Variants in DGKK observed in about 807,000 individuals in gnomAD.
The protein encoded by DGKK is diacylglycerol kinase kappa, also known as 142 kDa diacylglycerol kinase.
In DGKK, 35 loss-of-function variants were observed where a neutral mutation model predicts 92.2. That is an observed-to-expected ratio of 0.38 (90% confidence interval 0.29 to 0.50). The LOEUF (loss-of-function observed/expected upper bound fraction) is 0.50. Ranked by LOEUF, DGKK falls within the 20% of genes least tolerant of loss-of-function variation. The probability of loss-of-function intolerance (pLI) is 0.92; values close to 1 mark genes in which losing one functional copy is unlikely to be tolerated. For missense variants in DGKK, 910 were observed against 992.2 expected (o/e 0.92, Z 1.11); for synonymous variants, 368 against 360.6 (o/e 1.02, Z -0.23).
At chrX:50,455,456 G>T (rs1926587633) in intron 1 of DGKK, among the ~76,000 whole-genome samples, 1 of 111,804 alleles carries the variant, frequency 8.9e-6, no homozygotes, top group Non-Finnish European at 1.9e-5. Flanking sequence ...TTTACATACA[G>T]AACAATATAT....
intron 1 of DGKK, among the ~76,000 whole-genome samples, chrX:50,430,389 T>C (rs1482387449): frequency 8.9e-6 from 1 of 111,919 alleles, no homozygotes; most frequent in Non-Finnish European, 1.9e-5. Context: ...GCAGGCAGGG[T>C]TCCTAATTCT....
chrX:50,400,810 G>A (rs1924981123), intron 8 of DGKK, among the ~76,000 whole-genome samples: 2 of 110,998 alleles, frequency 1.8e-5, no homozygotes, highest in African/African-American at 6.6e-5. Flanking sequence ...AAACAATTGT[G>A]ACCGAGCTAC....
In DGKK at chrX:50,393,315, C is replaced by G; in HGVS notation, c.1432G>C (p.Asp478His). 1 of 1,206,880 alleles carries G rather than the reference C, an allele frequency of 8.3e-7. No individual in the cohort carries two copies. Among genetic ancestry groups the G allele is most frequent in the South Asian group, 1.8e-5 (1 of 55,732 alleles). Residue 478 changes from aspartate to histidine, a missense_variant, in exon 9 of 28, where the codon GAC becomes CAC. Transcript: ENST00000611977. The part of the protein sequence containing the change: ...KGDGQLVVSS[D>H]FWNLDWSSAC... Reference sequence around the variant, plus strand: ...GATGACCAATCAAGATTCCAGAAGTCTGAAGATACTACTAATTGGCCTGAC... The same window carrying G: ...GATGACCAATCAAGATTCCAGAAGTGTGAAGATACTACTAATTGGCCTGAC...
intron 24 of DGKK, 115 bp from the exon 25 acceptor site, chrX:50,375,172 G>T: frequency 2.0e-6 from 1 of 506,919 alleles, no homozygotes; most frequent in Non-Finnish European, 3.3e-6. Flanking sequence ...GTAGGATGTG[G>T]CTATAGGTGA....
At position 50,368,892 on chromosome X, in the gene DGKK, T is replaced by A. The variant is rs782219280; in HGVS notation, c.*48A>T. ...TAGCCTGTATTGAGGTTTTGAGAGTTTTTTTAGTAGAATTCTCAATGTTGT... is the reference window on the plus strand; with the variant it reads ...TAGCCTGTATTGAGGTTTTGAGAGTATTTTTAGTAGAATTCTCAATGTTGT... On this transcript the variant is annotated 3_prime_UTR_variant, in exon 28 of 28. Coordinates refer to ENST00000611977, the MANE Select transcript of DGKK (RefSeq NM_001013742.4). 17 of 1,117,255 alleles carry A rather than the reference T, an allele frequency of 1.5e-5. 1 individual carries two copies. In the Admixed American group the frequency reaches 2.5e-4, roughly 17 times the overall value. 92.1% of individuals were successfully genotyped at this position (1,117,255 alleles called of 1,213,427 possible).
intron 13 of DGKK, among the ~76,000 whole-genome samples, chrX:50,387,872 C>T (rs782815898): frequency 2.6e-4 from 29 of 111,975 alleles, no homozygotes; most frequent in African/African-American, 8.7e-4. Flanking sequence ...CACACCACTT[C>T]CCAAGTCAAG....
chrX:50,390,234 C>T, intron 12 of DGKK, 94 bp downstream of exon 12: 5 of 802,958 alleles, frequency 6.2e-6, no homozygotes, highest in Non-Finnish European at 9.4e-6. Context: ...TCATCCTCAT[C>T]CATGCACAAT....
At chrX:50,385,733 T>G (rs1380419225) in intron 15 of DGKK, among the ~76,000 whole-genome samples, 1 of 111,894 alleles carries the variant, frequency 8.9e-6, no homozygotes, top group Non-Finnish European at 1.9e-5. Flanking sequence ...TAGAATACAC[T>G]CATTCTTATA....
rs782566904 is a variant in DGKK at position 50,379,752 on chromosome X, C to T, written c.2755-18G>A. On this transcript the variant is annotated intron_variant, in intron 19 of 27. Transcript: ENST00000611977. The stretch of plus-strand genomic sequence containing the variant: ...CCATCACACTGAAAGAAAAGAGTAG[C>T]TCTCATTAGCTGGATCTTTAGATAG... 2 of 1,149,661 alleles carry T rather than the reference C, an allele frequency of 1.7e-6. No individual in the cohort carries two copies. Among genetic ancestry groups the T allele is most frequent in the South Asian group, 3.6e-5 (2 of 55,401 alleles). The allele number at this position is 1,149,661 out of a possible 1,213,427, so 94.7% of individuals were successfully genotyped here. A position where few individuals can be genotyped will look rare whatever the true frequency, so the allele number is the denominator to read the frequency against.
chrX:50,405,128 A>ACC (rs1332896263), intron 4 of DGKK, among the ~76,000 whole-genome samples: 1 of 111,515 alleles, frequency 9.0e-6, no homozygotes, highest in Non-Finnish European at 1.9e-5. Flanking sequence ...ACAAGACACA[A>ACC]CCCCTGCCTA....
At chrX:50,400,078 A>C (rs1924959602) in intron 8 of DGKK, among the ~76,000 whole-genome samples, 1 of 112,104 alleles carries the variant, frequency 8.9e-6, no homozygotes, top group Non-Finnish European at 1.9e-5. Flanking sequence ...CACAATAGAT[A>C]GCTTCATTCC....
chrX:50,458,720 G>A (rs782702440), intron 1 of DGKK, among the ~76,000 whole-genome samples: 5 of 110,838 alleles, frequency 4.5e-5, no homozygotes, highest in African/African-American at 9.8e-5. Flanking sequence ...TGTCGGTTGC[G>A]TTTATTTATT....
At chrX:50,420,593 C>G (rs1016220592) in intron 3 of DGKK, 86 bp from the exon 4 acceptor site, 2 of 808,731 alleles carry the variant, frequency 2.5e-6, no homozygotes, top group Admixed American at 5.2e-5. Flanking sequence ...AGAAACTACA[C>G]AGATGTACCA....
intron 8 of DGKK, among the ~76,000 whole-genome samples, chrX:50,398,461 G>T (rs1289818157): frequency 5.4e-5 from 6 of 111,995 alleles, no homozygotes; most frequent in African/African-American, 1.9e-4. Context: ...CAGTGAGTGA[G>T]ATTCAATTGG....
At chrX:50,417,739 C>A (rs1925472370) in intron 4 of DGKK, among the ~76,000 whole-genome samples, 1 of 110,755 alleles carries the variant, frequency 9.0e-6, no homozygotes, top group African/African-American at 3.3e-5. Context: ...CTTCTCTGAA[C>A]TTCTGGCCTC....
At chrX:50,381,879 G>T (rs1232066080) in intron 18 of DGKK, among the ~76,000 whole-genome samples, 1 of 111,571 alleles carries the variant, frequency 9.0e-6, no homozygotes, top group African/African-American at 3.3e-5. Context: ...CTCAGCCCAG[G>T]CCTGCTTTGA....
chrX:50,419,874 C>T (rs1206613001), intron 4 of DGKK, among the ~76,000 whole-genome samples: 6 of 112,033 alleles, frequency 5.4e-5, no homozygotes, highest in African/African-American at 1.3e-4. Context: ...TTGCTCTTCC[C>T]TCTACATTAC....
chrX:50,412,576 C>A (rs1925330332), intron 4 of DGKK, among the ~76,000 whole-genome samples: 2 of 112,267 alleles, frequency 1.8e-5, no homozygotes, highest in Non-Finnish European at 3.8e-5. Flanking sequence ...GGAAGCATCA[C>A]ACTTGCTGAT....
Position 50,404,044 on chromosome X carries a change from G to A in DGKK, c.1078+5C>T. Reference sequence around the variant, plus strand: ...CTTCACTTCCTAAAGGAATCAGAAAGGTACCTTCACAGATGATGGCATCTC... The same window carrying A: ...CTTCACTTCCTAAAGGAATCAGAAAAGTACCTTCACAGATGATGGCATCTC... On this transcript the variant is annotated splice_donor_5th_base_variant and intron_variant, in intron 5 of 27. Coordinates refer to ENST00000611977, the MANE Select transcript of DGKK (RefSeq NM_001013742.4). 8.3e-7 allele frequency: 1 copy of A among 1,208,908 alleles called. No homozygotes were observed. The highest frequency in any genetic ancestry group is 1.1e-6 in the Non-Finnish European group (1 of 894,445).
Sources: allele counts gnomAD v4.1 joint callset (sites outside exome capture counted in the v4.1 genomes callset), GRCh38; gene constraint gnomAD v4.1.1; transcripts MANE v1.5; gene names NCBI Gene and HGNC (gene_info 2026-07-23, HGNC 2026-07-21).